Variants in LHFPL3 observed in about 807,000 individuals in gnomAD.
LHFPL3 encodes LHFPL tetraspan subfamily member 3 protein.
In LHFPL3, 5 loss-of-function variants were observed where a neutral mutation model predicts 19.3. The observed-to-expected ratio is 0.26, with a 90% confidence interval of 0.14 to 0.54. The LOEUF (loss-of-function observed/expected upper bound fraction) is 0.54. Ranked by LOEUF, LHFPL3 falls within the 20% of genes least tolerant of loss-of-function variation. LHFPL3 has a pLI of 0.94. For synonymous variants in LHFPL3, 133 were observed against 126.2 expected, an observed-to-expected ratio of 1.05 and a Z score of -0.36; for missense variants, 249 against 307.4, an observed-to-expected ratio of 0.81 and a Z score of 1.42.
chr7:104,669,665 T>C (rs1792433363), intron 1 of LHFPL3: 2 of 1,326,020 alleles, frequency 1.5e-6, no homozygotes, highest in Non-Finnish European at 2.1e-6. Context: ...CAAGACAAAA[T>C]AAAACTCACC....
chr7:104,702,559 C>T (rs1793123369), intron 1 of LHFPL3, among the ~76,000 whole-genome samples: 1 of 152,200 alleles, frequency 6.6e-6, no homozygotes, highest in South Asian at 2.1e-4. Context: ...AAAGGAGAAG[C>T]TTTTCTCTTA....
chr7:104,543,875 C>A (rs1584391654), intron 1 of LHFPL3, among the ~76,000 whole-genome samples: 1 of 149,708 alleles, frequency 6.7e-6, no homozygotes, highest in African/African-American at 2.5e-5. Flanking sequence ...TGTAACAAAC[C>A]TGCACATTGT....
At chr7:104,563,882 A>G (rs149790087) in intron 1 of LHFPL3, among the ~76,000 whole-genome samples, 1 of 152,366 alleles carries the variant, frequency 6.6e-6, no homozygotes, top group African/African-American at 2.4e-5. Flanking sequence ...ACAGCTGGAT[A>G]AACAGAAATA....
At chr7:104,786,316 A>G (rs1173962991) in intron 2 of LHFPL3, among the ~76,000 whole-genome samples, 2 of 152,236 alleles carry the variant, frequency 1.3e-5, no homozygotes, top group Non-Finnish European at 2.9e-5. Flanking sequence ...TAATTTTATC[A>G]AACTAGCATA....
intron 1 of LHFPL3, among the ~76,000 whole-genome samples, chr7:104,608,553 G>T (rs1434174316): frequency 6.6e-6 from 1 of 150,628 alleles, no homozygotes; most frequent in East Asian, 2.0e-4. Context: ...GCTAAATGAC[G>T]AGTTAATGGG....
intron 1 of LHFPL3, among the ~76,000 whole-genome samples, chr7:104,481,523 C>T (rs550404770): frequency 1.3e-5 from 2 of 152,222 alleles, no homozygotes; most frequent in South Asian, 4.2e-4. Context: ...TGGGCCTTTG[C>T]TTATGCTGCT....
At chr7:104,508,474 G>C (rs36200432) in intron 1 of LHFPL3, among the ~76,000 whole-genome samples, 34,188 of 108,392 alleles carry the variant, frequency 0.32, 5,217 homozygotes, top group Middle Eastern at 0.48. Flanking sequence ...TGGGGGGAGG[G>C]GGGAGGGATA....
At chr7:104,897,272 C>T (rs1049227518) in intron 2 of LHFPL3, among the ~76,000 whole-genome samples, 1 of 152,112 alleles carries the variant, frequency 6.6e-6, no homozygotes, top group African/African-American at 2.4e-5. Flanking sequence ...TTCTTGGTTA[C>T]TTCTCTCACA....
At chr7:104,748,628 C>G (rs984356151) in intron 2 of LHFPL3, among the ~76,000 whole-genome samples, 7 of 151,054 alleles carry the variant, frequency 4.6e-5, no homozygotes, top group African/African-American at 1.7e-4. Flanking sequence ...GACCTTTGTT[C>G]ACGTGTTTGT....
chr7:104,419,982 A>G (rs2116530873), intron 1 of LHFPL3, among the ~76,000 whole-genome samples: 1 of 152,282 alleles, frequency 6.6e-6, no homozygotes, highest in South Asian at 2.1e-4. Context: ...AACAACAACA[A>G]CAACAACAAA....
intron 1 of LHFPL3, among the ~76,000 whole-genome samples, chr7:104,523,106 A>ACATG (rs398111664): frequency 2.0e-5 from 3 of 151,644 alleles, no homozygotes; most frequent in Non-Finnish European, 4.4e-5. Context: ...ATACAGACAT[A>ACATG]TGTGTATTTT....
At chr7:104,663,371 T>A (rs528140481) in intron 1 of LHFPL3, among the ~76,000 whole-genome samples, 14 of 152,224 alleles carry the variant, frequency 9.2e-5, no homozygotes, top group Non-Finnish European at 2.1e-4. Flanking sequence ...AGCCAGGGCA[T>A]TCCAACCCAG....
Position 104,546,952 on chromosome 7 carries a change from C to T in LHFPL3, c.446-189723C>T, listed in dbSNP as rs985554324. 7.3e-5 allele frequency among the ~76,000 whole-genome samples: 7 copies of T among 96,062 alleles called. 3 individuals are homozygous for T. Among genetic ancestry groups the T allele is most frequent in the African/African-American group, 1.0e-4 (3 of 29,026 alleles). The allele number at this position is 96,062 out of a possible 152,430, so 63.0% of individuals were successfully genotyped here. A position where few individuals can be genotyped will look rare whatever the true frequency, so the allele number is the denominator to read the frequency against. On this transcript the variant is annotated intron_variant, in intron 1 of 2. Coordinates refer to ENST00000424859, the MANE Select transcript of LHFPL3 (RefSeq NM_199000.3). ...AACAAGCTCTTAAGAAATAGTAGCT[C>T]AAGGCCGGGCGCGGTGGCTCACGCC...
At chr7:104,390,870 G>C (rs1169940839) in intron 1 of LHFPL3, among the ~76,000 whole-genome samples, 1 of 152,036 alleles carries the variant, frequency 6.6e-6, no homozygotes, top group Non-Finnish European at 1.5e-5. Context: ...TTTAATGATC[G>C]CCATTCTAAC....
At chr7:104,567,048 C>A (rs574378859) in intron 1 of LHFPL3, among the ~76,000 whole-genome samples, 1 of 152,138 alleles carries the variant, frequency 6.6e-6, no homozygotes, top group Non-Finnish European at 1.5e-5. Context: ...AAGCTTCTTC[C>A]AGGACAGCTA....
At chr7:104,525,508 T>C (rs978614108) in intron 1 of LHFPL3, among the ~76,000 whole-genome samples, 3 of 152,138 alleles carry the variant, frequency 2.0e-5, no homozygotes, top group African/African-American at 7.2e-5. Flanking sequence ...ATTCACAAGA[T>C]TAAAAGAAGA....
chr7:104,485,453 G>A (rs1254933482), intron 1 of LHFPL3, among the ~76,000 whole-genome samples: 1 of 151,770 alleles, frequency 6.6e-6, no homozygotes. Flanking sequence ...TTTTACATTG[G>A]CATCCATAAG....
intron 1 of LHFPL3, among the ~76,000 whole-genome samples, chr7:104,468,801 G>T (rs1792846162): frequency 6.6e-6 from 1 of 151,862 alleles, no homozygotes; most frequent in Non-Finnish European, 1.5e-5. Context: ...TGGGATTACA[G>T]GTGCCTGCCA....
intron 1 of LHFPL3, among the ~76,000 whole-genome samples, chr7:104,468,366 A>C (rs1243287598): frequency 6.6e-6 from 1 of 152,222 alleles, no homozygotes; most frequent in African/African-American, 2.4e-5. Context: ...TAATTTCCCA[A>C]CCTCTAAGAA....
Sources: allele counts gnomAD v4.1 joint callset (sites outside exome capture counted in the v4.1 genomes callset), GRCh38; gene constraint gnomAD v4.1.1; transcripts MANE v1.5; gene names NCBI Gene and HGNC (gene_info 2026-07-23, HGNC 2026-07-21).